ZDHHC16: variants seen among roughly 807,000 people sequenced by gnomAD.
ZDHHC16 encodes zDHHC palmitoyltransferase 16, also known as palmitoyltransferase ZDHHC16.
In ZDHHC16, 33 loss-of-function variants were observed where a neutral mutation model predicts 54.4. The ratio of observed to expected loss-of-function variants is 0.61; its 90% CI spans 0.46 to 0.81. The LOEUF (loss-of-function observed/expected upper bound fraction) is 0.81, where lower values mean the gene tolerates loss of function less well. Ranked by LOEUF, ZDHHC16 falls within the 30% of genes least tolerant of loss-of-function variation. The pLI, the probability that ZDHHC16 is intolerant of heterozygous loss-of-function variation, is 0.00. For synonymous variants in ZDHHC16, 185 were observed against 182.1 expected, an observed-to-expected ratio of 1.02 and a Z score of -0.13; for missense variants, 420 against 485.9, an observed-to-expected ratio of 0.86 and a Z score of 1.28.
chr10:97,453,575 TCTC>T lies in ZDHHC16; in HGVS notation c.603_605del (p.Ser202del). On this transcript the variant is annotated inframe_deletion, in exon 7 of 12. Coordinates refer to ENST00000393760, the MANE Select transcript of ZDHHC16 (RefSeq NM_198046.3). ...GGCCACTATAACCATCGGTACTTCT[TCTC>T]TTTCTGCTTTTTCATGACTCTGGGC... 1 of 1,614,178 alleles carries T rather than the reference TCTC, an allele frequency of 6.2e-7. No homozygotes were observed. The highest frequency in any genetic ancestry group is 8.5e-7 in the Non-Finnish European group (1 of 1,180,036).
intron 9 of ZDHHC16, among the ~76,000 whole-genome samples, chr10:97,455,425 C>T (rs1170899400): frequency 6.6e-6 from 1 of 152,184 alleles, no homozygotes; most frequent in African/African-American, 2.4e-5. Flanking sequence ...GACTACTAGG[C>T]ATGAGCTACC....
Position 97,453,816 on chromosome 10 carries a change from CAA to C in ZDHHC16, c.709_710del (p.Lys237GlufsTer59). The C allele has an allele frequency of 6.2e-7, 1 of 1,614,240 alleles. No homozygotes were observed. The highest frequency in any genetic ancestry group is 2.2e-5 in the East Asian group (1 of 44,882). On this transcript the variant is annotated frameshift_variant, in exon 8 of 12. Coordinates refer to ENST00000393760, the MANE Select transcript of ZDHHC16 (RefSeq NM_198046.3). LOFTEE classifies it high-confidence loss of function. Reference sequence around the variant, plus strand: ...CCCCTTAGAAAATGAAACAGCTCGACAAGAACAAACTACAGGCGGTTGCCAAC... The same window carrying C: ...CCCCTTAGAAAATGAAACAGCTCGACGAACAAACTACAGGCGGTTGCCAAC... ...AAIEKMKQLDKNKLQAVANQT... is the reference protein window; with the variant it reads ...AAIEKMKQLDXNKLQAVANQT...
chr10:97,451,645 A>G, intron 2 of ZDHHC16, 26 bp from the exon 3 acceptor site: 1 of 1,591,978 alleles, frequency 6.3e-7, no homozygotes, highest in Non-Finnish European at 8.5e-7. Flanking sequence ...CTCAGACTAG[A>G]TCCTCACAAT....
chr10:97,452,698 G>A (rs1202491560), intron 5 of ZDHHC16, 195 bp downstream of exon 5: 3 of 934,580 alleles, frequency 3.2e-6, no homozygotes, highest in East Asian at 5.1e-5. Flanking sequence ...GAAAACCGAG[G>A]TTTGGAGAGA....
At position 97,452,196 on chromosome 10, in the gene ZDHHC16, G is replaced by C; in HGVS notation, c.350G>C (p.Trp117Ser). Residue 117 changes from tryptophan (W) to serine (S), a missense_variant, in exon 4 of 12, where the codon TGG becomes TCG. Physicochemically the swap from Trp to Ser is radical, Grantham distance 177. Transcript: ENST00000393760. ...LRTYSVPRLC[W>S]HFFYSHWNLI... Reference sequence around the variant, plus strand: ...ACCTACTCAGTGCCACGACTCTGCTGGCATTTCTTCTATAGCCACTGGAAT... The same window carrying C: ...ACCTACTCAGTGCCACGACTCTGCTCGCATTTCTTCTATAGCCACTGGAAT... 1.2e-6 allele frequency: 2 copies of C among 1,614,068 alleles called. No homozygotes were observed. The highest frequency in any genetic ancestry group is 4.5e-5 in the East Asian group (2 of 44,858).
chr10:97,455,872 C>A, intron 10 of ZDHHC16, 89 bp downstream of exon 10: 2 of 1,600,892 alleles, frequency 1.2e-6, no homozygotes, highest in African/African-American at 1.3e-5. Flanking sequence ...CTGACTAGGG[C>A]AAGCATTGTA....
At chr10:97,452,031 G>A (rs571908670) in intron 3 of ZDHHC16, 59 bp from the exon 4 acceptor site, 34 of 1,605,998 alleles carry the variant, frequency 2.1e-5, no homozygotes, top group Middle Eastern at 3.3e-4. Flanking sequence ...GGGAAACTCC[G>A]AGTCTCCTTT....
chr10:97,453,325 C>T (rs558063683), intron 6 of ZDHHC16, among the ~76,000 whole-genome samples: 5 of 152,184 alleles, frequency 3.3e-5, no homozygotes, highest in African/African-American at 7.2e-5. Context: ...CTTGGTGGGA[C>T]CTGAATGCTC....
intron 9 of ZDHHC16, 30 bp downstream of exon 9, chr10:97,454,829 G>C (rs749397533): frequency 2.5e-6 from 4 of 1,607,608 alleles, no homozygotes; most frequent in Non-Finnish European, 3.4e-6. Flanking sequence ...TTAAGGGAGG[G>C]GAAGCTTCAG....
At chr10:97,453,916 G>A in intron 8 of ZDHHC16, 70 bp downstream of exon 8, 2 of 1,602,988 alleles carry the variant, frequency 1.2e-6, no homozygotes, top group Non-Finnish European at 1.7e-6. Flanking sequence ...AGGCATCTGG[G>A]GCCGACCTGC....
chr10:97,452,695 G>A (rs988496049), intron 5 of ZDHHC16, 192 bp downstream of exon 5: 58 of 915,424 alleles, frequency 6.3e-5, no homozygotes, highest in Non-Finnish European at 8.5e-5. Context: ...TGTGAAAACC[G>A]AGGTTTGGAG....
intron 1 of ZDHHC16, among the ~76,000 whole-genome samples, chr10:97,447,171 T>A (rs547172717): frequency 6.6e-6 from 1 of 152,352 alleles, no homozygotes; most frequent in Admixed American, 6.5e-5. Context: ...GTTGTTACTC[T>A]TTTTCTTCTC....
Position 97,451,925 on chromosome 10 carries a change from G to A in ZDHHC16, c.243+7G>A. 11 of 1,604,416 alleles carry A rather than the reference G, an allele frequency of 6.9e-6. No homozygotes were observed. The highest frequency in any genetic ancestry group is 8.5e-6 in the Non-Finnish European group (10 of 1,174,040). ...GATCCGCTGGTTTGGAGTGGTGAGTGATGTCCAGGGAGCAGGAAAAGGGGT... is the reference window on the plus strand; with the variant it reads ...GATCCGCTGGTTTGGAGTGGTGAGTAATGTCCAGGGAGCAGGAAAAGGGGT... On this transcript the variant is annotated splice_region_variant and intron_variant, in intron 3 of 11. Transcript: ENST00000393760.
chr10:97,455,472 T>G (rs1847081585), intron 9 of ZDHHC16, 188 bp from the exon 10 acceptor site: 1 of 1,020,194 alleles, frequency 9.8e-7, no homozygotes, highest in Non-Finnish European at 1.4e-6. Flanking sequence ...TAGGCCACTT[T>G]GATGCTTTTT....
chr10:97,454,900 T>TGC, intron 9 of ZDHHC16, 101 bp downstream of exon 9: 1 of 972,578 alleles, frequency 1.0e-6, no homozygotes, highest in Non-Finnish European at 1.6e-6. Context: ...GAACTGCCAC[T>TGC]GCTCTAGTCT....
At chr10:97,455,840 T>C in intron 10 of ZDHHC16, 57 bp downstream of exon 10, 1 of 1,606,012 alleles carries the variant, frequency 6.2e-7, no homozygotes, top group East Asian at 2.2e-5. Flanking sequence ...TGCTCTCCTG[T>C]AAACAGAGGC....
Position 97,455,997 on chromosome 10 carries a change from CG to C in ZDHHC16, c.974del (p.Gly325AlafsTer35). On this transcript the variant is annotated frameshift_variant, in exon 11 of 12. Coordinates refer to ENST00000393760, the MANE Select transcript of ZDHHC16 (RefSeq NM_198046.3). LOFTEE classifies it high-confidence loss of function. ...AGGTATTTAGGAATCCTTACAACTA[CG>C]GCTGCTTGGACAACTGGAAGGTATT... is the stretch of plus-strand genomic sequence containing the variant. ...GRVFRNPYNY[G>X]CLDNWKVFLG... The C allele has an allele frequency of 6.2e-7, 1 of 1,614,158 alleles. No individual in the cohort carries two copies. The highest frequency in any genetic ancestry group is 8.5e-7 in the Non-Finnish European group (1 of 1,180,010).
intron 11 of ZDHHC16, among the ~76,000 whole-genome samples, 166 bp from the exon 12 acceptor site, chr10:97,456,611 G>A (rs1367073933): frequency 6.6e-6 from 1 of 152,110 alleles, no homozygotes; most frequent in African/African-American, 2.4e-5. Context: ...GGACCAAAAG[G>A]TACATTTGTT....
At chr10:97,456,233 C>T (rs776662713) in intron 11 of ZDHHC16, 189 bp downstream of exon 11, 1 of 582,566 alleles carries the variant, frequency 1.7e-6, no homozygotes, top group Admixed American at 3.4e-5. Context: ...TTTTAAGTAA[C>T]AGATGAGGCT....
Sources: gnomAD v4.1 joint callset for allele counts (sites outside exome capture counted in the v4.1 genomes callset) on GRCh38, gnomAD v4.1.1 for gene constraint, MANE v1.5 for transcripts, NCBI Gene and HGNC (gene_info 2026-07-23, HGNC 2026-07-21) for gene names.